The following ZFHX2 variants were observed in gnomAD, a reference collection of about 807,000 sequenced individuals.
ZFHX2 encodes the protein zinc finger homeobox 2, also known as zinc finger homeobox protein 2.
In ZFHX2, 75 loss-of-function variants were observed where a neutral mutation model predicts 164.8. The ratio of observed to expected loss-of-function variants is 0.46; its 90% confidence interval spans 0.38 to 0.55. ZFHX2 has a LOEUF of 0.55. ZFHX2 is among the 20% of genes least tolerant of loss of function. The probability of loss-of-function intolerance (pLI) is 0.00; values close to 1 mark genes in which losing one functional copy is unlikely to be tolerated. For missense variants in ZFHX2, 2,933 were observed against 3,308.0 expected (o/e 0.89, Z 2.78); for synonymous variants, 1,217 against 1,351.4 (o/e 0.90, Z 2.18).
chr14:23,521,975 A>G lies in ZFHX2; in HGVS notation c.7706T>C (p.Leu2569Pro). Reference sequence around the variant, plus strand: ...TGGTTAATCTGTTTATAAAGCTAGAAGTGTAGAGGTAGTCGTAGTTTTTGG... The same window carrying G: ...TGGTTAATCTGTTTATAAAGCTAGAGGTGTAGAGGTAGTCGTAGTTTTTGG... ...SNPKTTTTST[L>P]LAL Residue 2569 changes from leucine (L) to proline (P), a missense_variant, in exon 10 of 10, where the codon CTT (leucine) becomes CCT (proline). Leu to Pro is a moderately conservative substitution (Grantham distance 98). Transcript: ENST00000419474. 6.5e-7 allele frequency: 1 copy of G among 1,536,286 alleles called. No homozygotes were observed. Among genetic ancestry groups the G allele is most frequent in the Non-Finnish European group, 8.7e-7 (1 of 1,146,896 alleles).
In ZFHX2 at chr14:23,533,666, G is replaced by T. The variant is rs777026181; in HGVS notation, c.1660C>A (p.Leu554Ile). 6.5e-7 allele frequency: 1 copy of T among 1,537,696 alleles called. No individual in the cohort carries two copies. Among genetic ancestry groups the T allele is most frequent in the Non-Finnish European group, 8.7e-7 (1 of 1,147,474 alleles). ...GGQGSPPEAS[L>I]PPSAGDKEPK... ...TCTTTGTCTCCCGCGGAGGGTGGGAGTGATGCCTCTGGTGGACTTCCCTGC... is the reference window on the plus strand; with the variant it reads ...TCTTTGTCTCCCGCGGAGGGTGGGATTGATGCCTCTGGTGGACTTCCCTGC... Residue 554 changes from leucine to isoleucine, a missense_variant, in exon 2 of 10, where the codon CTC (leucine) becomes ATC (isoleucine). Transcript: ENST00000419474. The surrounding 1 kb of genome is among the most constrained non-coding windows in gnomAD (Gnocchi z 4.8).
intron 6 of ZFHX2, 154 bp downstream of exon 6, chr14:23,529,556 A>C (rs561358206): frequency 1.3e-6 from 1 of 762,518 alleles, no homozygotes; most frequent in East Asian, 2.7e-5. Context: ...AGTGCTGAAC[A>C]TGTGGAACTG....
At position 23,525,239 on chromosome 14, in the gene ZFHX2, C is replaced by T. The variant is rs777610344; in HGVS notation, c.4703G>A (p.Arg1568Gln). The T allele has an allele frequency of 1.7e-5, 26 of 1,536,008 alleles. No homozygotes were observed. Among genetic ancestry groups the T allele is most frequent in the East Asian group, 7.3e-5 (3 of 40,920 alleles). ...EAGGTRAPEE[R>Q]SRAGGHWPIE... is the part of the protein sequence containing the mutation. ...GGGCCAGTGTCCCCCTGCTCGACTTCGCTCTTCAGGGGCACGGGTCCCCCC... is the reference window on the plus strand; with the variant it reads ...GGGCCAGTGTCCCCCTGCTCGACTTTGCTCTTCAGGGGCACGGGTCCCCCC... The change falls in exon 9 of 10, where the codon CGA becomes CAA. Residue 1568 changes from arginine (R) to glutamine (Q), a missense_variant. Transcript: ENST00000419474. This position sits in a 1 kb window ranked among gnomAD's most constrained non-coding sequence, Gnocchi z 5.9.
chr14:23,532,737 C>T lies in ZFHX2; in HGVS notation c.2389G>A (p.Gly797Arg), dbSNP rs1879723108. 6.5e-7 allele frequency: 1 copy of T among 1,535,856 alleles called. No homozygotes were observed. Among genetic ancestry groups the T allele is most frequent in the African/African-American group, 1.4e-5 (1 of 73,048 alleles). The stretch of plus-strand genomic sequence containing the variant: ...GCTGGGGAAGGGGTGCCCATGGCTC[C>T]ACCCCCCTCCCGCAGGTGGGCTGCC... ...QLAAHLREGG[G>R]AMGTPSPASL... Residue 797 changes from glycine (G) to arginine (R), a missense_variant, in exon 3 of 10, where the codon GGA becomes AGA. By Grantham distance (125) the Gly-to-Arg change is moderately radical. Coordinates refer to ENST00000419474, the MANE Select transcript of ZFHX2 (RefSeq NM_033400.3).
In ZFHX2 at chr14:23,534,444, T is replaced by A; in HGVS notation, c.882A>T (p.Pro294=). Residue 294 remains proline, a synonymous_variant, in exon 2 of 10, where the codon CCA becomes CCT. Coordinates refer to ENST00000419474, the MANE Select transcript of ZFHX2 (RefSeq NM_033400.3). The surrounding 1 kb of genome is among the most constrained non-coding windows in gnomAD (Gnocchi z 4.5). ...CAGAAGAGGGGCGAGCAGGGAGTTT[T>A]GGCTCCAGAAAGCTTATGAGGGCCT... ...GCKALISFLE[P]KLPARPSSDI... The A allele has an allele frequency of 2.0e-6, 3 of 1,536,556 alleles. No homozygotes were observed. Among genetic ancestry groups the A allele is most frequent in the Non-Finnish European group, 2.6e-6 (3 of 1,146,988 alleles).
Position 23,523,653 on chromosome 14 carries a change from C to G in ZFHX2, c.6289G>C (p.Val2097Leu), listed in dbSNP as rs1443586721. 7 of 1,547,340 alleles carry G rather than the reference C, an allele frequency of 4.5e-6. No individual in the cohort carries two copies. In the Admixed American group the frequency reaches 1.2e-4, roughly 25 times the overall value. ...YRTPTMQECE[V>L]LGEEIGLPKR... Reference sequence around the variant, plus strand: ...GGCAGCCCAATCTCCTCTCCCAGCACCTCACACTCCTGCATGGTGGGGGTG... The same window carrying G: ...GGCAGCCCAATCTCCTCTCCCAGCAGCTCACACTCCTGCATGGTGGGGGTG... The change falls in exon 9 of 10, where the codon GTG (valine) becomes CTG (leucine). Residue 2097 changes from valine (V) to leucine (L), a missense_variant. Physicochemically the swap from Val to Leu is conservative, Grantham distance 32 (BLOSUM62 1). Transcript: ENST00000419474. The surrounding 1 kb of genome is among the most constrained non-coding windows in gnomAD (Gnocchi z 4.1).
upstream of ZFHX2, among the ~76,000 whole-genome samples, chr14:23,555,032 G>T (rs201375964): frequency 1.8e-4 from 27 of 152,308 alleles, no homozygotes; most frequent in East Asian, 3.5e-3. Context: ...CTGTCGCCCA[G>T]GCTGGAGTGC....
At chr14:23,526,803 C>A (rs1458411146) in intron 8 of ZFHX2, 44 bp downstream of exon 8, 1 of 1,523,268 alleles carries the variant, frequency 6.6e-7, no homozygotes, top group East Asian at 2.5e-5. Flanking sequence ...CCCATGGAGT[C>A]CCCTTTCCTG....
In ZFHX2 at chr14:23,551,051, C is replaced by T. The variant is rs553488352; in HGVS notation, c.-50+292G>A. Among the ~76,000 whole-genome samples, 1 of 152,136 alleles carries T rather than the reference C, an allele frequency of 6.6e-6. No individual in the cohort carries two copies. Among genetic ancestry groups the T allele is most frequent in the East Asian group, 1.9e-4 (1 of 5,154 alleles). ...CCTTCGTCTGTCCGGCGGGCCTCTG[C>T]CTTTCCCGTTCCCGTTTCTCCCTCC... On this transcript the variant is annotated intron_variant, in intron 1 of 9. Transcript: ENST00000419474. The surrounding 1 kb of genome is among the most constrained non-coding windows in gnomAD (Gnocchi z 5.3).
upstream of ZFHX2, among the ~76,000 whole-genome samples, chr14:23,555,246 G>C (rs916847946): frequency 6.6e-6 from 1 of 152,136 alleles, no homozygotes; most frequent in African/African-American, 2.4e-5. Flanking sequence ...TGATTCACCT[G>C]CCTCGGCTTC....
intron 6 of ZFHX2, 97 bp from the exon 7 acceptor site, chr14:23,527,901 C>A (rs907277143): frequency 1.3e-5 from 6 of 448,956 alleles, no homozygotes; most frequent in African/African-American, 2.8e-5. Context: ...GCCCCCACTC[C>A]TTTTTTTTTT....
At chr14:23,540,483 T>C (rs1011549625) in intron 1 of ZFHX2, among the ~76,000 whole-genome samples, 1 of 152,152 alleles carries the variant, frequency 6.6e-6, no homozygotes, top group Non-Finnish European at 1.5e-5. Flanking sequence ...GAGGTGACCA[T>C]GGAGAGAAGG....
rs764467527 is a variant in ZFHX2, at chr14:23,533,598, G to A, written c.1728C>T (p.Tyr576=). 14 of 1,536,622 alleles carry A rather than the reference G, an allele frequency of 9.1e-6. No homozygotes were observed. Among genetic ancestry groups the A allele is most frequent in the Middle Eastern group, 1.7e-4 (1 of 6,016 alleles). ...GCAGGTTACGGGAGATGTTTGTCTC[G>A]TAGCTGCACACCTTGCACTGCCAGG... is the stretch of plus-strand genomic sequence containing the variant. The part of the protein sequence containing the change: ...KSSWQCKVCS[Y]ETNISRNLRI... Residue 576 remains tyrosine (Y), a synonymous_variant, in exon 2 of 10, where the codon TAC becomes TAT. Coordinates refer to ENST00000419474, the MANE Select transcript of ZFHX2 (RefSeq NM_033400.3). This position sits in a 1 kb window ranked among gnomAD's most constrained non-coding sequence, Gnocchi z 4.8.
chr14:23,527,951 G>T, intron 6 of ZFHX2, 147 bp from the exon 7 acceptor site: 1 of 747,780 alleles, frequency 1.3e-6, no homozygotes, highest in Non-Finnish European at 2.1e-6. Context: ...CTGTCACCCA[G>T]GCCGGAGTGC....
At chr14:23,554,557 T>G (rs1184552768), upstream of ZFHX2, among the ~76,000 whole-genome samples, 3 of 151,780 alleles carry the variant, frequency 2.0e-5, no homozygotes, top group African/African-American at 7.3e-5. Context: ...AAATTTTTTT[T>G]TTTTTTTTTT....
Position 23,527,789 on chromosome 14 carries a change from A to G in ZFHX2, c.2950T>C (p.Tyr984His), listed in dbSNP as rs1878940623. 6.5e-7 allele frequency: 1 copy of G among 1,530,296 alleles called. No homozygotes were observed. The highest frequency in any genetic ancestry group is 8.7e-7 in the Non-Finnish European group (1 of 1,143,530). The allele number at this position is 1,530,296 out of a possible 1,614,324, so 94.8% of individuals were successfully genotyped here. ...GACTCTGGGCTCAGGAAGCTGCAGT[A>G]TGGACAGCAGTATACCTGGAGGGAA... is the stretch of plus-strand genomic sequence containing the variant. ...ANQTTVYCCP[Y>H]CSFLSPESSQ... The change falls in exon 7 of 10, where the codon TAC becomes CAC. Residue 984 changes from tyrosine (Y) to histidine (H), a missense_variant. Physicochemically the swap from Tyr to His is moderately conservative, Grantham distance 83. Transcript: ENST00000419474.
chr14:23,531,331 C>T, intron 4 of ZFHX2, 150 bp downstream of exon 4: 12 of 1,198,772 alleles, frequency 1.0e-5, no homozygotes, highest in Non-Finnish European at 1.2e-5. Flanking sequence ...CTCATTCTGT[C>T]TTATCCCTTC....
chr14:23,555,133 A>C (rs1169955121), upstream of ZFHX2, among the ~76,000 whole-genome samples: 2 of 152,070 alleles, frequency 1.3e-5, no homozygotes, highest in Non-Finnish European at 1.5e-5. Flanking sequence ...GAACACAAGC[A>C]CGCGCCACCA....
chr14:23,539,738 C>T (rs994238081), intron 1 of ZFHX2, among the ~76,000 whole-genome samples: 2 of 152,096 alleles, frequency 1.3e-5, no homozygotes, highest in East Asian at 1.9e-4. Context: ...TGGTACAGCC[C>T]CCTCCCACCT....
Sources: gnomAD v4.1 joint callset for allele counts (sites outside exome capture counted in the v4.1 genomes callset) on GRCh38, gnomAD v4.1.1 for gene constraint, Gnocchi (gnomAD v3.1) non-coding constraint, MANE v1.5 for transcripts, NCBI Gene and HGNC (gene_info 2026-07-23, HGNC 2026-07-21) for gene names.